TMEM108: variants seen among roughly 807,000 people sequenced by gnomAD.
The protein encoded by TMEM108 is cancer/testis antigen 124.
In TMEM108, 12 loss-of-function variants were observed where a neutral mutation model predicts 35.1. The ratio of observed to expected loss-of-function variants is 0.34; its 90% CI spans 0.22 to 0.55. The LOEUF is 0.55. TMEM108 is among the 20% of genes least tolerant of loss of function. The pLI is 0.89. For missense variants in TMEM108, 680 were observed against 753.3 expected, an observed-to-expected ratio of 0.90 and a Z score of 1.14; for synonymous variants, 287 against 308.6, an observed-to-expected ratio of 0.93 and a Z score of 0.73.
At chr3:133,270,686 C>T (rs1426905261) in intron 3 of TMEM108, among the ~76,000 whole-genome samples, 1 of 152,076 alleles carries the variant, frequency 6.6e-6, no homozygotes, top group Non-Finnish European at 1.5e-5. Flanking sequence ...AGGATCTTGG[C>T]AGTCAAATAT....
At chr3:133,143,467 GC>G (rs1944668311) in intron 2 of TMEM108, among the ~76,000 whole-genome samples, 2 of 151,564 alleles carry the variant, frequency 1.3e-5, no homozygotes, top group Admixed American at 6.6e-5. Context: ...ATTTTCAATT[GC>G]ATCATTTAAT....
At chr3:133,236,020 T>C (rs1946231037) in intron 3 of TMEM108, among the ~76,000 whole-genome samples, 1 of 152,156 alleles carries the variant, frequency 6.6e-6, no homozygotes, top group Non-Finnish European at 1.5e-5. Context: ...ATTGTTATGC[T>C]ACTTTGTTAA....
At chr3:133,063,449 G>A (rs1308934593) in intron 2 of TMEM108, among the ~76,000 whole-genome samples, 1 of 152,166 alleles carries the variant, frequency 6.6e-6, no homozygotes, top group African/African-American at 2.4e-5. Context: ...AATGTGGGGA[G>A]AAAATAGTCA....
chr3:133,041,111 G>T (rs1943270626), intron 1 of TMEM108, among the ~76,000 whole-genome samples: 1 of 152,176 alleles, frequency 6.6e-6, no homozygotes, highest in Non-Finnish European at 1.5e-5. Flanking sequence ...GGAGAGCCAG[G>T]AAATGTTTAA....
chr3:133,322,680 C>T (rs2071281357), intron 3 of TMEM108, among the ~76,000 whole-genome samples: 1 of 152,082 alleles, frequency 6.6e-6, no homozygotes. Context: ...AAGTCAGTAT[C>T]ACCCTAATTC....
At chr3:133,306,173 A>G (rs755291221) in intron 3 of TMEM108, among the ~76,000 whole-genome samples, 79 of 152,052 alleles carry the variant, frequency 5.2e-4, no homozygotes, top group Non-Finnish European at 8.5e-4. Flanking sequence ...ATTTTTGACA[A>G]CTCTGCCCAA....
intron 3 of TMEM108, among the ~76,000 whole-genome samples, chr3:133,256,803 G>T (rs1946553903): frequency 6.6e-6 from 1 of 152,206 alleles, no homozygotes; most frequent in African/African-American, 2.4e-5. Context: ...AAATCCAAAT[G>T]TCAGTAAGCA....
At chr3:133,130,138 A>G (rs558720594) in intron 2 of TMEM108, among the ~76,000 whole-genome samples, 2 of 152,108 alleles carry the variant, frequency 1.3e-5, no homozygotes, top group Admixed American at 6.5e-5. Context: ...ATACAGTGCT[A>G]TCATTTTGGT....
chr3:133,162,784 A>G (rs780829052), intron 2 of TMEM108, among the ~76,000 whole-genome samples: 63 of 152,348 alleles, frequency 4.1e-4, no homozygotes, highest in Non-Finnish European at 7.6e-4. Context: ...GGGAATAGAA[A>G]TTATTTCCCT....
intron 3 of TMEM108, among the ~76,000 whole-genome samples, chr3:133,240,706 C>T (rs1320823417): frequency 6.6e-6 from 1 of 152,196 alleles, no homozygotes; most frequent in Non-Finnish European, 1.5e-5. Context: ...GCACAGAGTG[C>T]TTCAGCTCCC....
intron 2 of TMEM108, among the ~76,000 whole-genome samples, chr3:133,106,175 G>GTTTTTTTTTTTTTTTTTTTTTTT (rs745343008): frequency 1.1e-5 from 1 of 89,696 alleles, no homozygotes. Context: ...GAGGTTAAAG[G>GTTTTTTTTTTTTTTTTTTTTTTT]TTTTTTTTTT....
intron 2 of TMEM108, among the ~76,000 whole-genome samples, chr3:133,141,104 C>T (rs1485426995): frequency 2.0e-5 from 3 of 152,078 alleles, no homozygotes; most frequent in Admixed American, 6.6e-5. Context: ...AAAATCATAC[C>T]ATTTAAGGGG....
intron 2 of TMEM108, among the ~76,000 whole-genome samples, chr3:133,185,631 A>C (rs1284311946): frequency 1.3e-5 from 2 of 151,242 alleles, no homozygotes; most frequent in Non-Finnish European, 2.9e-5. Context: ...CTACAGGCCA[A>C]CCCCTGGCTG....
chr3:133,079,933 A>G (rs80251230), intron 2 of TMEM108, among the ~76,000 whole-genome samples: 4,205 of 152,186 alleles, frequency 0.028, 93 homozygotes, highest in South Asian at 0.059. Flanking sequence ...TGCTTTCTCT[A>G]TATAGCCAGA....
intron 2 of TMEM108, among the ~76,000 whole-genome samples, chr3:133,106,851 G>T (rs1450045): frequency 0.64 from 97,064 of 152,008 alleles, 31,518 homozygotes; most frequent in African/African-American, 0.75. Flanking sequence ...GCCTCTGAGC[G>T]AGAACCACCC....
chr3:133,139,159 T>C (rs936862219), intron 2 of TMEM108, among the ~76,000 whole-genome samples: 1 of 152,214 alleles, frequency 6.6e-6, no homozygotes, highest in African/African-American at 2.4e-5. Context: ...ATCCAGTCTA[T>C]CATTGATGGA....
intron 3 of TMEM108, among the ~76,000 whole-genome samples, chr3:133,353,919 T>C (rs1330881065): frequency 6.6e-6 from 1 of 152,192 alleles, no homozygotes; most frequent in Non-Finnish European, 1.5e-5. Context: ...TTCCAAACTT[T>C]GTTTCTTGAC....
In TMEM108 at chr3:133,281,348, A is replaced by T. The variant is rs561076536; in HGVS notation, c.40+51997A>T. Among the ~76,000 whole-genome samples the T allele has an allele frequency of 8.5e-4, 130 of 152,350 alleles. 1 individual carries two copies. The highest frequency in any genetic ancestry group is 1.6e-3 in the Non-Finnish European group (112 of 68,034). On this transcript the variant is annotated intron_variant, in intron 3 of 5. Coordinates refer to ENST00000321871, the MANE Select transcript of TMEM108 (RefSeq NM_023943.4). ...GAAAATAAATAACCACTTTAGAAAAAATAGGGTGTGCACACACAGGTGTGT... is the reference window on the plus strand; with the variant it reads ...GAAAATAAATAACCACTTTAGAAAATATAGGGTGTGCACACACAGGTGTGT...
chr3:133,233,184 T>C (rs1270009327), intron 3 of TMEM108, among the ~76,000 whole-genome samples: 1 of 152,100 alleles, frequency 6.6e-6, no homozygotes, highest in Non-Finnish European at 1.5e-5. Flanking sequence ...AAGCTATCCC[T>C]CCCCGCTCCG....
Sources: gnomAD v4.1 joint callset for allele counts (sites outside exome capture counted in the v4.1 genomes callset) on GRCh38, gnomAD v4.1.1 for gene constraint, MANE v1.5 for transcripts, NCBI Gene and HGNC (gene_info 2026-07-23, HGNC 2026-07-21) for gene names.